The following ADGRL2 variants were observed in gnomAD, a reference collection of about 807,000 sequenced individuals.
The protein encoded by ADGRL2 is calcium-independent alpha-latrotoxin receptor 2.
Under a neutral mutation model 157.4 loss-of-function variants are expected in ADGRL2, and 44 were observed. That is an observed-to-expected ratio of 0.28 (90% CI 0.22 to 0.36). The LOEUF (loss-of-function observed/expected upper bound fraction) is 0.36, where lower values mean the gene tolerates loss of function less well. Among genes scored for constraint, ADGRL2 ranks in the 10% least tolerant of loss-of-function variants. The pLI is 1.00. For synonymous variants in ADGRL2, 585 were observed against 624.7 expected (o/e 0.94, Z 0.95); for missense variants, 1,510 against 1,768.9 (o/e 0.85, Z 2.63).
At chr1:81,424,256 G>C (rs1465610206) in intron 1 of ADGRL2, among the ~76,000 whole-genome samples, 1 of 152,220 alleles carries the variant, frequency 6.6e-6, no homozygotes, top group South Asian at 2.1e-4. Flanking sequence ...AGCTGTATCT[G>C]TTGACCATCA....
At chr1:81,604,684 G>C (rs1373607032) in intron 3 of ADGRL2, among the ~76,000 whole-genome samples, 1 of 152,092 alleles carries the variant, frequency 6.6e-6, no homozygotes, top group Admixed American at 6.6e-5. Context: ...TATCCTTTTT[G>C]AGAGTCCAGG....
chr1:81,565,700 A>C (rs2080544068), intron 2 of ADGRL2, among the ~76,000 whole-genome samples: 1 of 152,200 alleles, frequency 6.6e-6, no homozygotes, highest in Non-Finnish European at 1.5e-5. Context: ...TTCTCATATC[A>C]TGTAAGAACT....
At chr1:81,853,920 T>C (rs1397941814) in intron 2 of ADGRL2, among the ~76,000 whole-genome samples, 6 of 152,152 alleles carry the variant, frequency 3.9e-5, no homozygotes, top group Non-Finnish European at 8.8e-5. Context: ...TTGAAGCATT[T>C]ATAACTGTTA....
Position 81,748,341 on chromosome 1 carries a change from C to A in ADGRL2, c.-142-13470C>A, listed in dbSNP as rs113395989. On this transcript the variant is annotated intron_variant, in intron 1 of 20. Transcript: ENST00000359929. ...AAAATACAAAAATTAGCTGGGCACG[C>A]GCCTATAATCCCAGCTACTCGGGAG... is the stretch of plus-strand genomic sequence containing the variant. Among the ~76,000 whole-genome samples the A allele has an allele frequency of 3.3e-3, 494 of 151,518 alleles. 3 individuals are homozygous for A. Among genetic ancestry groups the A allele is most frequent in the African/African-American group, 0.011 (456 of 41,370 alleles).
chr1:81,719,376 C>A (rs573961858), intron 1 of ADGRL2, among the ~76,000 whole-genome samples: 3 of 152,266 alleles, frequency 2.0e-5, no homozygotes, highest in South Asian at 2.1e-4. Context: ...AGACAATATT[C>A]CTAAAGTTAC....
At chr1:81,706,937 C>G (rs1188753875) in intron 1 of ADGRL2, among the ~76,000 whole-genome samples, 3 of 152,022 alleles carry the variant, frequency 2.0e-5, no homozygotes, top group Non-Finnish European at 1.5e-5. Flanking sequence ...CCAAATGGCT[C>G]TAATGTATTT....
chr1:81,330,949 A>C (rs1000929149), intron 1 of ADGRL2, among the ~76,000 whole-genome samples: 2 of 152,224 alleles, frequency 1.3e-5, no homozygotes, highest in African/African-American at 4.8e-5. Flanking sequence ...CAACAGATTA[A>C]TTTGGCTGAT....
intron 2 of ADGRL2, among the ~76,000 whole-genome samples, chr1:81,850,354 T>G (rs2092958324): frequency 6.6e-6 from 1 of 151,964 alleles, no homozygotes; most frequent in Non-Finnish European, 1.5e-5. Flanking sequence ...TTCTTTCAGT[T>G]TTTGAATATC....
chr1:81,808,148 A>G (rs1245185822), intron 1 of ADGRL2, among the ~76,000 whole-genome samples: 1 of 152,020 alleles, frequency 6.6e-6, no homozygotes, highest in Non-Finnish European at 1.5e-5. Context: ...TACAACGAAA[A>G]TGCAGTTTTA....
chr1:81,394,417 G>C (rs1018133138), intron 1 of ADGRL2, among the ~76,000 whole-genome samples: 2 of 151,998 alleles, frequency 1.3e-5, no homozygotes, highest in African/African-American at 4.8e-5. Context: ...TTACTTCCGT[G>C]AGATCAACTC....
chr1:81,632,899 G>A (rs2148763900), intron 3 of ADGRL2, among the ~76,000 whole-genome samples: 1 of 152,308 alleles, frequency 6.6e-6, no homozygotes, highest in Admixed American at 6.5e-5. Context: ...GGAAGTCATT[G>A]GAGGGATTTG....
At chr1:81,916,886 T>G (rs1401027120) in intron 3 of ADGRL2, among the ~76,000 whole-genome samples, 1 of 152,056 alleles carries the variant, frequency 6.6e-6, no homozygotes, top group Admixed American at 6.6e-5. Context: ...CAAATCCATA[T>G]TTTGTTTTTG....
intron 2 of ADGRL2, among the ~76,000 whole-genome samples, chr1:81,459,618 A>G (rs1305080156): frequency 6.6e-6 from 1 of 152,092 alleles, no homozygotes; most frequent in African/African-American, 2.4e-5. Flanking sequence ...ATTGTAAATA[A>G]TGTGGCAACA....
intron 1 of ADGRL2, among the ~76,000 whole-genome samples, chr1:81,396,992 A>G (rs2076666289): frequency 6.6e-6 from 1 of 152,192 alleles, no homozygotes; most frequent in Non-Finnish European, 1.5e-5. Flanking sequence ...AGCCTCATAC[A>G]GTGATTTTGA....
intron 1 of ADGRL2, among the ~76,000 whole-genome samples, chr1:81,371,519 T>C (rs950430889): frequency 5.9e-5 from 9 of 152,316 alleles, no homozygotes; most frequent in Non-Finnish European, 1.0e-4. Context: ...TTTGTGAATA[T>C]AAAATAAGAA....
intron 1 of ADGRL2, among the ~76,000 whole-genome samples, chr1:81,738,110 CAAAAAATGTATCAATATTGT>C (rs1023930059): frequency 1.3e-5 from 2 of 152,124 alleles, no homozygotes; most frequent in Admixed American, 1.3e-4. Flanking sequence ...TCCTGCATTA[CAAAAAATGTATCAATATTGT>C]CTGATTATGT....
intron 3 of ADGRL2, among the ~76,000 whole-genome samples, chr1:81,688,683 T>A (rs1021429017): frequency 2.0e-5 from 3 of 152,124 alleles, no homozygotes; most frequent in Non-Finnish European, 4.4e-5. Context: ...AATCAGGGAT[T>A]TCTTCTTGGT....
At chr1:81,932,642 T>C (rs1461861342) in intron 3 of ADGRL2, among the ~76,000 whole-genome samples, 1 of 152,270 alleles carries the variant, frequency 6.6e-6, no homozygotes, top group East Asian at 1.9e-4. Context: ...GGTTTCCACT[T>C]CCAGAGTTTC....
At chr1:81,986,829 C>T in intron 21 of ADGRL2, 72 bp from the exon 22 acceptor site, 1 of 1,495,852 alleles carries the variant, frequency 6.7e-7, no homozygotes, top group Non-Finnish European at 9.1e-7. Flanking sequence ...TAGTTGACTA[C>T]AACTGTAACA....
Sources: allele counts gnomAD v4.1 joint callset (sites outside exome capture counted in the v4.1 genomes callset), GRCh38; gene constraint gnomAD v4.1.1; transcripts MANE v1.5; gene names NCBI Gene and HGNC (gene_info 2026-07-23, HGNC 2026-07-21).